Variants in NPAS3 observed in about 807,000 individuals in gnomAD.
The protein encoded by NPAS3 is neuronal PAS domain-containing protein 3.
In NPAS3, 14 loss-of-function variants were observed where a neutral mutation model predicts 73.1. The ratio of observed to expected loss-of-function variants is 0.19; its 90% CI spans 0.13 to 0.30. The LOEUF (loss-of-function observed/expected upper bound fraction) is 0.30, where lower values mean the gene tolerates loss of function less well. Ranked by LOEUF, NPAS3 falls within the 10% of genes least tolerant of loss-of-function variation. The pLI is 1.00. For missense variants in NPAS3, 1,096 were observed against 1,250.0 expected (o/e 0.88, Z 1.86); for synonymous variants, 620 against 541.5 (o/e 1.14, Z -2.01).
intron 1 of NPAS3, among the ~76,000 whole-genome samples, chr14:32,965,269 G>A (rs1828867140): frequency 6.6e-6 from 1 of 152,036 alleles, no homozygotes; most frequent in Non-Finnish European, 1.5e-5. Flanking sequence ...AAAGCAAAAA[G>A]GCCAGTGTCA....
rs147770739 is a variant in NPAS3 at position 33,651,241 on chromosome 14, G to A, written c.559-24970G>A. 3.5e-3 allele frequency among the ~76,000 whole-genome samples: 532 copies of A among 152,184 alleles called. 4 individuals carry two copies. The highest frequency in any genetic ancestry group is 0.031 in the Middle Eastern group (9 of 294). On this transcript the variant is annotated intron_variant, in intron 5 of 11. Transcript: ENST00000356141. The stretch of plus-strand genomic sequence containing the variant: ...AGTGCTGCACTCTGCCTTTGTACGG[G>A]GACGTGCCACTCTGCATCAGTTAGT...
At chr14:33,699,633 C>T (rs2060476138) in intron 6 of NPAS3, among the ~76,000 whole-genome samples, 1 of 152,152 alleles carries the variant, frequency 6.6e-6, no homozygotes. Flanking sequence ...TTGCCTCGGC[C>T]AGAGTAATTA....
chr14:33,628,420 G>A (rs745846061), intron 5 of NPAS3, among the ~76,000 whole-genome samples: 1 of 152,214 alleles, frequency 6.6e-6, no homozygotes, highest in Non-Finnish European at 1.5e-5. Flanking sequence ...GCTTCAGGGA[G>A]TACAAAGATA....
At chr14:33,615,720 G>C (rs112712532) in intron 5 of NPAS3, among the ~76,000 whole-genome samples, 3 of 152,166 alleles carry the variant, frequency 2.0e-5, no homozygotes, top group Non-Finnish European at 2.9e-5. Context: ...TGGGGACCTA[G>C]TACACGTTTA....
intron 6 of NPAS3, among the ~76,000 whole-genome samples, chr14:33,714,304 AT>A (rs77406908): frequency 0.33 from 49,258 of 151,244 alleles, 8,577 homozygotes; most frequent in Admixed American, 0.51. Context: ...TTAGGGAGAC[AT>A]TTTTTTTCTT....
At chr14:33,281,927 A>C (rs1009707043) in intron 3 of NPAS3, among the ~76,000 whole-genome samples, 1 of 152,174 alleles carries the variant, frequency 6.6e-6, no homozygotes, top group African/African-American at 2.4e-5. Flanking sequence ...GTATGGGGTA[A>C]TCAAACCTGT....
chr14:33,093,818 A>G (rs1331483146), intron 2 of NPAS3, among the ~76,000 whole-genome samples: 2 of 152,148 alleles, frequency 1.3e-5, no homozygotes, highest in African/African-American at 4.8e-5. Context: ...TGTCCTTTGT[A>G]GGGACAAGGA....
intron 3 of NPAS3, among the ~76,000 whole-genome samples, chr14:33,338,470 G>C (rs985797478): frequency 6.6e-6 from 1 of 152,194 alleles, no homozygotes; most frequent in South Asian, 2.1e-4. Flanking sequence ...GTTGATTACG[G>C]CACATTTGTC....
chr14:33,556,999 T>C (rs367758381), intron 4 of NPAS3, among the ~76,000 whole-genome samples: 1 of 152,304 alleles, frequency 6.6e-6, no homozygotes, highest in East Asian at 1.9e-4. Flanking sequence ...ATGGAAAATC[T>C]AATAAGCCCT....
At position 32,965,691 on chromosome 14, in the gene NPAS3, T is replaced by C. The variant is rs112578138; in HGVS notation, c.50+26325T>C. Reference sequence around the variant, plus strand: ...CTTTCACCACTTCTATTTGACATGGTACTGAAATCCTAGCCAGAGCAATTA... The same window carrying C: ...CTTTCACCACTTCTATTTGACATGGCACTGAAATCCTAGCCAGAGCAATTA... On this transcript the variant is annotated intron_variant, in intron 1 of 11. Transcript: ENST00000356141. Among the ~76,000 whole-genome samples, 1,011 of 152,258 alleles carry C rather than the reference T, an allele frequency of 6.6e-3. 13 individuals carry two copies. Among genetic ancestry groups the C allele is most frequent in the African/African-American group, 0.023 (952 of 41,542 alleles).
At chr14:33,512,618 G>A (rs146486833) in intron 4 of NPAS3, among the ~76,000 whole-genome samples, 26 of 152,144 alleles carry the variant, frequency 1.7e-4, no homozygotes, top group African/African-American at 5.3e-4. Context: ...ATTTTGATGT[G>A]GGGTTTGCAT....
At chr14:33,095,718 G>T (rs2042392968) in intron 2 of NPAS3, among the ~76,000 whole-genome samples, 1 of 143,032 alleles carries the variant, frequency 7.0e-6, no homozygotes. Flanking sequence ...GCCCAGGCTG[G>T]AGTGCAGTGG....
chr14:33,523,451 CAAAAAAAA>C (rs755370427), intron 4 of NPAS3, among the ~76,000 whole-genome samples: 1 of 46,722 alleles, frequency 2.1e-5, no homozygotes, highest in Non-Finnish European at 4.4e-5. Flanking sequence ...GACTCTGTCT[CAAAAAAAA>C]AAAAAAAAAA....
At chr14:33,048,162 T>C (rs1223906468) in intron 1 of NPAS3, among the ~76,000 whole-genome samples, 1 of 152,174 alleles carries the variant, frequency 6.6e-6, no homozygotes, top group East Asian at 1.9e-4. Context: ...GTTTCCTCAT[T>C]TAAAAGTAAA....
chr14:33,674,804 A>G (rs147194007), intron 5 of NPAS3, among the ~76,000 whole-genome samples: 308 of 152,318 alleles, frequency 2.0e-3, no homozygotes, highest in South Asian at 8.9e-3. Context: ...GACTATACCT[A>G]TGTTAACTGA....
At chr14:32,939,406 T>G in intron 1 of NPAS3, 40 bp downstream of exon 1, 1 of 601,060 alleles carries the variant, frequency 1.7e-6, no homozygotes, top group Non-Finnish European at 2.9e-6. Context: ...GCCGGGCCGC[T>G]GCTCCCGCCG....
At chr14:33,164,031 T>C (rs17100295) in intron 2 of NPAS3, among the ~76,000 whole-genome samples, 3,373 of 152,312 alleles carry the variant, frequency 0.022, 111 homozygotes, top group African/African-American at 0.077. Context: ...ATGACAGACT[T>C]CTTTTAGAAA....
At chr14:33,787,783 G>A (rs2063224776) in intron 9 of NPAS3, among the ~76,000 whole-genome samples, 1 of 152,086 alleles carries the variant, frequency 6.6e-6, no homozygotes, top group African/African-American at 2.4e-5. Flanking sequence ...TGCAGTTTCT[G>A]GCTATAATTG....
intron 4 of NPAS3, among the ~76,000 whole-genome samples, chr14:33,532,665 G>T (rs2054096318): frequency 6.6e-6 from 1 of 152,100 alleles, no homozygotes; most frequent in Admixed American, 6.6e-5. Context: ...TGAAGTGATT[G>T]CATATAAGCT....
Sources: gnomAD v4.1 joint callset for allele counts (sites outside exome capture counted in the v4.1 genomes callset) on GRCh38, gnomAD v4.1.1 for gene constraint, MANE v1.5 for transcripts, NCBI Gene and HGNC (gene_info 2026-07-23, HGNC 2026-07-21) for gene names.